Variants in BLACAT1 observed in about 807,000 individuals in gnomAD.
BLACAT1 encodes BLACAT1 overlapping LEMD1 locus, also known as bladder cancer associated transcript 1.
chr1:205,448,775 C>T lies in BLACAT1; in HGVS notation c.-37+7142G>A, dbSNP rs1169599779. On this transcript the variant is annotated intron_variant, in intron 1 of 1. Coordinates refer to ENST00000629624, the Ensembl canonical transcript of BLACAT1. This position sits in a 1 kb window ranked among gnomAD's most constrained non-coding sequence, Gnocchi z 4.7. ...CTTTTCAAGGCTGCTGCTGCCAGTA[C>T]CCAGGATGGGGGGCCCCAGGTTAGG... 6.6e-6 allele frequency among the ~76,000 whole-genome samples: 1 copy of T among 152,156 alleles called. No homozygotes were observed. The highest frequency in any genetic ancestry group is 6.5e-5 in the Admixed American group (1 of 15,276).
In BLACAT1 at chr1:205,441,363, C is replaced by T. The variant is rs984145843; in HGVS notation, c.-36-301G>A. On this transcript the variant is annotated intron_variant, in intron 1 of 1. Transcript: ENST00000629624. The surrounding 1 kb of genome is among the most constrained non-coding windows in gnomAD (Gnocchi z 4.3). ...CTGCCTCCTTTTTTCCCCTCCCACC[C>T]GCTCTGCCCCACCTCATCACCATAT... Among the ~76,000 whole-genome samples the T allele has an allele frequency of 3.9e-5, 6 of 152,184 alleles. No homozygotes were observed. The highest frequency in any genetic ancestry group is 7.3e-5 in the Non-Finnish European group (5 of 68,034).
chr1:205,435,302 C>T (rs1575005442), downstream of BLACAT1: 1 of 152,196 alleles, frequency 6.6e-6, no homozygotes, highest in East Asian at 1.9e-4. Context: ...TTGCCACTGC[C>T]ATGGAGGTGG....
intron 1 of BLACAT1, among the ~76,000 whole-genome samples, chr1:205,447,017 C>T (rs1158714158): frequency 2.0e-5 from 3 of 152,230 alleles, no homozygotes; most frequent in African/African-American, 4.8e-5. Flanking sequence ...AATTTGTGGA[C>T]GTGCATCCAA....
intron 1 of BLACAT1, among the ~76,000 whole-genome samples, chr1:205,442,226 C>T (rs1394256483): frequency 1.3e-5 from 2 of 152,066 alleles, no homozygotes; most frequent in African/African-American, 4.8e-5. Context: ...TGAGTGAAGC[C>T]CAAGTGCTGC....
chr1:205,443,475 C>T (rs1171821289), intron 1 of BLACAT1, among the ~76,000 whole-genome samples: 1 of 152,058 alleles, frequency 6.6e-6, no homozygotes, highest in Non-Finnish European at 1.5e-5. Context: ...GTCACAGGAA[C>T]CAGAACCTAC....
chr1:205,435,091 A>C (rs6680719), downstream of BLACAT1: 2 of 152,160 alleles, frequency 1.3e-5, no homozygotes, highest in Non-Finnish European at 2.9e-5. Context: ...TCAGCCGAGG[A>C]AGAACCTCAG....
chr1:205,454,533 T>TGA (rs1263540706), intron 1 of BLACAT1, among the ~76,000 whole-genome samples: 2 of 150,964 alleles, frequency 1.3e-5, no homozygotes, highest in African/African-American at 4.9e-5. Context: ...TGTGAGTGTG[T>TGA]GTGTGTGTGT....
intron 1 of BLACAT1, among the ~76,000 whole-genome samples, chr1:205,444,044 C>T (rs1280544511): frequency 2.6e-5 from 4 of 152,112 alleles, no homozygotes; most frequent in African/African-American, 4.8e-5. Context: ...CCCCTTGCTG[C>T]GTCTATTTGA....
chr1:205,445,763 G>A (rs952644922), intron 1 of BLACAT1, among the ~76,000 whole-genome samples: 1 of 152,210 alleles, frequency 6.6e-6, no homozygotes, highest in African/African-American at 2.4e-5. Flanking sequence ...CAACGTGACA[G>A]GCAGCAGCAG....
rs557995099 is a variant in BLACAT1, at chr1:205,450,454, C to T, written c.-37+5463G>A. Among the ~76,000 whole-genome samples the T allele has an allele frequency of 4.6e-5, 7 of 151,588 alleles. No homozygotes were observed. The East Asian group carries it at 1.4e-3, about 29-fold the overall frequency. On this transcript the variant is annotated intron_variant, in intron 1 of 1. Transcript: ENST00000629624. The surrounding 1 kb of genome is among the most constrained non-coding windows in gnomAD (Gnocchi z 4.4). ...AGGCCCCCCTCTCCTGCCTGGCCCC[C>T]CTCCCCTTCTCCGCAGCCCTGGTTC...
chr1:205,445,946 T>C (rs1408649322), intron 1 of BLACAT1, among the ~76,000 whole-genome samples: 1 of 152,056 alleles, frequency 6.6e-6, no homozygotes, highest in East Asian at 1.9e-4. Flanking sequence ...ATGGAACAAA[T>C]ACAATAAGAG....
chr1:205,447,053 C>A (rs773085766), intron 1 of BLACAT1, among the ~76,000 whole-genome samples: 3 of 152,242 alleles, frequency 2.0e-5, no homozygotes, highest in Non-Finnish European at 2.9e-5. Context: ...AACAACCTCC[C>A]GTCTGGGTAC....
chr1:205,442,431 T>A (rs992802381), intron 1 of BLACAT1, among the ~76,000 whole-genome samples: 2 of 152,238 alleles, frequency 1.3e-5, no homozygotes, highest in African/African-American at 4.8e-5. Context: ...CTCTGGACAG[T>A]TCCACTGGTC....
In BLACAT1 at chr1:205,441,537, T is replaced by C. The variant is rs373208402; in HGVS notation, c.-36-475A>G. On this transcript the variant is annotated intron_variant, in intron 1 of 1. Coordinates refer to ENST00000629624, the Ensembl canonical transcript of BLACAT1. This position sits in a 1 kb window ranked among gnomAD's most constrained non-coding sequence, Gnocchi z 4.3. ...CTCCATCCAAATGCGGACCCCTTCA[T>C]CCAGTGTAGCTTTACTTTGACACCT... is the stretch of plus-strand genomic sequence containing the variant. 2.0e-4 allele frequency among the ~76,000 whole-genome samples: 30 copies of C among 152,252 alleles called. No individual in the cohort carries two copies. Among genetic ancestry groups the C allele is most frequent in the African/African-American group, 6.7e-4 (28 of 41,552 alleles).
intron 1 of BLACAT1, among the ~76,000 whole-genome samples, chr1:205,454,688 G>A (rs2102482644): frequency 6.6e-6 from 1 of 152,184 alleles, no homozygotes; most frequent in South Asian, 2.1e-4. Context: ...GAGGGCATAA[G>A]CCACCAAAAT....
chr1:205,454,086 G>T (rs1161749623), intron 1 of BLACAT1, among the ~76,000 whole-genome samples: 1 of 152,196 alleles, frequency 6.6e-6, no homozygotes, highest in Non-Finnish European at 1.5e-5. Context: ...CAGAGATGAA[G>T]GGTGGGGAGA....
At chr1:205,438,642 A>G (rs545237337), downstream of BLACAT1, among the ~76,000 whole-genome samples, 2 of 152,338 alleles carry the variant, frequency 1.3e-5, no homozygotes, top group East Asian at 3.9e-4. Context: ...CCTCCTGCTC[A>G]GACAATTCCA....
downstream of BLACAT1, among the ~76,000 whole-genome samples, chr1:205,438,373 G>A (rs1666240063): frequency 6.6e-6 from 1 of 152,220 alleles, no homozygotes; most frequent in Admixed American, 6.5e-5. Context: ...GAGAGGATGG[G>A]AAGGCAGGGC....
intron 1 of BLACAT1, among the ~76,000 whole-genome samples, chr1:205,446,540 C>G (rs1270679119): frequency 6.6e-6 from 1 of 152,234 alleles, no homozygotes; most frequent in African/African-American, 2.4e-5. Context: ...GGGGACTACC[C>G]GGGCAAACTG....
Sources: allele counts gnomAD v4.1 joint callset (sites outside exome capture counted in the v4.1 genomes callset), GRCh38; gene constraint gnomAD v4.1.1; non-coding constraint Gnocchi (gnomAD v3.1); transcripts MANE v1.5; gene names NCBI Gene and HGNC (gene_info 2026-07-23, HGNC 2026-07-21).